The following ARHGAP28 variants were observed in gnomAD, a reference collection of about 807,000 sequenced individuals.
ARHGAP28 encodes Rho GTPase activating protein 28, also known as rho GTPase-activating protein 28.
A neutral mutation model predicts 90.7 loss-of-function variants in ARHGAP28; 56 were observed. The observed-to-expected ratio is 0.62, with a 90% CI of 0.50 to 0.77. The LOEUF is 0.77. Ranked by LOEUF, ARHGAP28 falls within the 30% of genes least tolerant of loss-of-function variation. ARHGAP28 has a pLI of 0.00. For missense variants in ARHGAP28, 869 were observed against 900.9 expected (o/e 0.96, Z 0.45); for synonymous variants, 308 against 323.3 (o/e 0.95, Z 0.51).
intron 3 of ARHGAP28, 177 bp from the exon 4 acceptor site, chr18:6,850,857 A>C: frequency 1.3e-6 from 2 of 1,536,718 alleles, no homozygotes; most frequent in Non-Finnish European, 1.7e-6. Context: ...ATGAGGATCA[A>C]TGTAATTATG....
intron 5 of ARHGAP28, among the ~76,000 whole-genome samples, chr18:6,864,981 T>C (rs1241552309): frequency 6.6e-6 from 1 of 152,220 alleles, no homozygotes; most frequent in East Asian, 1.9e-4. Flanking sequence ...CCCCCATTCC[T>C]ATGCATGCCT....
chr18:6,826,460 G>A (rs183840869), intron 2 of ARHGAP28, among the ~76,000 whole-genome samples: 68 of 150,686 alleles, frequency 4.5e-4, no homozygotes, highest in African/African-American at 1.7e-3. Context: ...TTCTTTTGCT[G>A]TGTAGAAGCT....
At chr18:6,761,616 G>C (rs1229970216) in intron 1 of ARHGAP28, among the ~76,000 whole-genome samples, 1 of 152,138 alleles carries the variant, frequency 6.6e-6, no homozygotes, top group African/African-American at 2.4e-5. Flanking sequence ...TGAGGACCAA[G>C]GATCAGAATC....
chr18:6,858,048 T>A (rs935753833), intron 4 of ARHGAP28, among the ~76,000 whole-genome samples: 2 of 152,172 alleles, frequency 1.3e-5, no homozygotes, highest in Non-Finnish European at 2.9e-5. Flanking sequence ...CCCCTCCATG[T>A]CTTTTGTTGT....
At chr18:6,877,743 G>GT (rs2057143248) in intron 10 of ARHGAP28, among the ~76,000 whole-genome samples, 1 of 152,146 alleles carries the variant, frequency 6.6e-6, no homozygotes, top group Non-Finnish European at 1.5e-5. Context: ...TTTCTCGTGT[G>GT]TTTCGTTCTT....
chr18:6,828,183 C>T (rs537901482), intron 2 of ARHGAP28, among the ~76,000 whole-genome samples: 1 of 152,246 alleles, frequency 6.6e-6, no homozygotes, highest in African/African-American at 2.4e-5. Context: ...ACCCCGTCTC[C>T]ACCAAAAAAA....
chr18:6,844,569 G>GT (rs1452009750), intron 3 of ARHGAP28, among the ~76,000 whole-genome samples: 1 of 152,122 alleles, frequency 6.6e-6, no homozygotes, highest in East Asian at 1.9e-4. Flanking sequence ...CATAACAAGT[G>GT]ATTTATTGCA....
intron 1 of ARHGAP28, chr18:6,789,804 C>T (rs1471747212): frequency 1.3e-5 from 2 of 151,380 alleles, no homozygotes; most frequent in Non-Finnish European, 2.9e-5. Flanking sequence ...ATTAAAATAT[C>T]AAATTGTTTC....
intron 4 of ARHGAP28, among the ~76,000 whole-genome samples, chr18:6,854,606 CTG>C (rs2056937471): frequency 6.6e-6 from 1 of 152,166 alleles, no homozygotes; most frequent in South Asian, 2.1e-4. Flanking sequence ...GGAGCTGCCT[CTG>C]TGAAGACGCC....
rs1333403020 is a variant in ARHGAP28 at position 6,913,746 on chromosome 18, G to C, written c.*1592G>C. 1 of 118,502 alleles carries C rather than the reference G, an allele frequency of 8.4e-6. No individual in the cohort carries two copies. Among genetic ancestry groups the C allele is most frequent in the African/African-American group, 3.2e-5 (1 of 31,552 alleles). 7.3% of individuals were successfully genotyped at this position (118,502 alleles called of 1,614,324 possible). A position where few individuals can be genotyped will look rare whatever the true frequency, so the allele number is the denominator to read the frequency against. On this transcript the variant is annotated 3_prime_UTR_variant, in exon 18 of 18. Transcript: ENST00000383472. ...TGTTCATCTGAGAATTTTTTTTTTT[G>C]CCTGAAAACCCATTAAAAGAAAACG...
In ARHGAP28 at chr18:6,841,180, C is replaced by CCTCTCTCT. The variant is rs143797436; in HGVS notation, c.543+3782_543+3789dup. Among the ~76,000 whole-genome samples, 39 of 57,064 alleles carry CCTCTCTCT rather than the reference C, an allele frequency of 6.8e-4. 1 individual carries two copies. Among genetic ancestry groups the CCTCTCTCT allele is most frequent in the East Asian group, 4.4e-3 (9 of 2,032 alleles). The allele number at this position is 57,064 out of a possible 152,430, so 37.4% of individuals were successfully genotyped here. On this transcript the variant is annotated intron_variant, in intron 3 of 17. Coordinates refer to ENST00000383472, the MANE Select transcript of ARHGAP28 (RefSeq NM_001366230.1). The stretch of plus-strand genomic sequence containing the variant: ...CTTTCTCTCTCTCCTCTCTCTCTCT[C>CCTCTCTCT]CTCTCTCTCTCTCTCTCTCTCTCCT...
At chr18:6,855,083 A>T (rs1206183438) in intron 4 of ARHGAP28, among the ~76,000 whole-genome samples, 1 of 152,196 alleles carries the variant, frequency 6.6e-6, no homozygotes, top group East Asian at 1.9e-4. Context: ...GGTGCCCCTC[A>T]GCAGGAACAG....
intron 1 of ARHGAP28, among the ~76,000 whole-genome samples, chr18:6,747,861 T>C (rs1190258127): frequency 1.3e-5 from 2 of 152,152 alleles, no homozygotes; most frequent in Non-Finnish European, 2.9e-5. Context: ...ACTTTCTGTG[T>C]TTACCTTGGC....
At chr18:6,808,834 A>G (rs1353970044) in intron 1 of ARHGAP28, among the ~76,000 whole-genome samples, 1 of 152,210 alleles carries the variant, frequency 6.6e-6, no homozygotes, top group Non-Finnish European at 1.5e-5. Flanking sequence ...CTTTTGGATT[A>G]TAGCTCCGTG....
At chr18:6,798,134 T>G (rs1360819418) in intron 1 of ARHGAP28, among the ~76,000 whole-genome samples, 1 of 152,056 alleles carries the variant, frequency 6.6e-6, no homozygotes, top group East Asian at 1.9e-4. Flanking sequence ...GAGATTCATA[T>G]GCAAAAAAAC....
rs1308585244 is a variant in ARHGAP28 at position 6,841,200 on chromosome 18, TCTCCTCTC to T, written c.543+3790_543+3797del. Among the ~76,000 whole-genome samples the T allele has an allele frequency of 8.9e-3, 550 of 61,974 alleles. 15 individuals carry two copies. Among genetic ancestry groups the T allele is most frequent in the South Asian group, 0.025 (30 of 1,196 alleles). 40.7% of individuals were successfully genotyped at this position (61,974 alleles called of 152,430 possible). Reference sequence around the variant, plus strand: ...TCTCTCCTCTCTCTCTCTCTCTCTCTCTCCTCTCCTCTCTCTCTCTCTCCCCCCAACCC... The same window carrying T: ...TCTCTCCTCTCTCTCTCTCTCTCTCTCTCTCTCTCTCTCTCCCCCCAACCC... On this transcript the variant is annotated intron_variant, in intron 3 of 17. Coordinates refer to ENST00000383472, the MANE Select transcript of ARHGAP28 (RefSeq NM_001366230.1).
In ARHGAP28 at chr18:6,869,292, C is replaced by G. The variant is rs1600266167; in HGVS notation, c.811+1058C>G. 5.9e-5 allele frequency among the ~76,000 whole-genome samples: 7 copies of G among 119,382 alleles called. 2 individuals are homozygous for G. In the Admixed American group the frequency reaches 8.0e-4, roughly 14 times the overall value. 78.3% of individuals were successfully genotyped at this position (119,382 alleles called of 152,430 possible). ...TTTTTTTTTTTGAGATGGAGTTTCGCTCTTGTCACTCAGGCTGGAGTGCAG... is the reference window on the plus strand; with the variant it reads ...TTTTTTTTTTTGAGATGGAGTTTCGGTCTTGTCACTCAGGCTGGAGTGCAG... On this transcript the variant is annotated intron_variant, in intron 6 of 17. Coordinates refer to ENST00000383472, the MANE Select transcript of ARHGAP28 (RefSeq NM_001366230.1).
intron 16 of ARHGAP28, among the ~76,000 whole-genome samples, chr18:6,904,230 G>C (rs1324382604): frequency 1.3e-5 from 2 of 151,824 alleles, no homozygotes; most frequent in African/African-American, 4.8e-5. Flanking sequence ...CTCATCTCTA[G>C]TAAAAATATA....
chr18:6,779,578 G>A (rs1175863917), intron 1 of ARHGAP28, among the ~76,000 whole-genome samples: 1 of 152,130 alleles, frequency 6.6e-6, no homozygotes, highest in Non-Finnish European at 1.5e-5. Context: ...CAAGGTACAG[G>A]TATACCCCGA....
Sources: allele counts gnomAD v4.1 joint callset (sites outside exome capture counted in the v4.1 genomes callset), GRCh38; gene constraint gnomAD v4.1.1; transcripts MANE v1.5; gene names NCBI Gene and HGNC (gene_info 2026-07-23, HGNC 2026-07-21).